AP2A2: variants seen among roughly 807,000 people sequenced by gnomAD.
The protein encoded by AP2A2 is AP-2 complex subunit alpha-2.
AP2A2 carries 32 observed loss-of-function variants against 104.2 expected under a neutral mutation model. That is an observed-to-expected ratio of 0.31 (90% CI 0.23 to 0.41). The LOEUF (loss-of-function observed/expected upper bound fraction) is 0.41. Among genes scored for constraint, AP2A2 ranks in the 10% least tolerant of loss-of-function variants. AP2A2 has a pLI of 1.00. For synonymous variants in AP2A2, 539 were observed against 533.3 expected (o/e 1.01, Z -0.15); for missense variants, 912 against 1,261.0 (o/e 0.72, Z 4.19).
At chr11:1,010,388 T>C in intron 21 of AP2A2, 160 bp from the exon 22 acceptor site, 1 of 618,826 alleles carries the variant, frequency 1.6e-6, no homozygotes, top group Admixed American at 2.9e-5. Context: ...TCAGTTTTCA[T>C]GCTGACAGTG....
chr11:944,691 A>G lies in AP2A2; in HGVS notation c.68-14746A>G, dbSNP rs577705427. Among the ~76,000 whole-genome samples, 52 of 152,278 alleles carry G rather than the reference A, an allele frequency of 3.4e-4. No homozygotes were observed. In the Middle Eastern group the frequency reaches 0.01, roughly 30 times the overall value. On this transcript the variant is annotated intron_variant, in intron 1 of 21. Transcript: ENST00000448903. ...GGGCCGGCCCTTCTGTGAAGGCAGC[A>G]GTTGAGCAAGGACCTGGAGCTAGTG...
chr11:976,550 C>G (rs948834318), intron 4 of AP2A2, among the ~76,000 whole-genome samples: 4 of 152,076 alleles, frequency 2.6e-5, no homozygotes, highest in Admixed American at 2.0e-4. Flanking sequence ...ACGTCTGTGC[C>G]CTGGACAAGC....
At position 970,151 on chromosome 11, in the gene AP2A2, TC is replaced by T; in HGVS notation, c.137-14del. 1 of 1,613,374 alleles carries T rather than the reference TC, an allele frequency of 6.2e-7. No homozygotes were observed. The highest frequency in any genetic ancestry group is 8.5e-7 in the Non-Finnish European group (1 of 1,179,568). ...TCTGCCCGCCTGGAATAAAACCTCT[TC>T]CCCACCTTTTCTGTAGGTGACAAGG... On this transcript the variant is annotated splice_polypyrimidine_tract_variant and intron_variant, in intron 2 of 21. Transcript: ENST00000448903.
chr11:982,297 T>A (rs948864902), intron 6 of AP2A2, among the ~76,000 whole-genome samples: 2 of 152,176 alleles, frequency 1.3e-5, no homozygotes, highest in Admixed American at 1.3e-4. Context: ...GCAATCTTCC[T>A]GCTTTGGCCT....
At chr11:979,121 C>T (rs1374719256) in intron 5 of AP2A2, among the ~76,000 whole-genome samples, 2 of 151,716 alleles carry the variant, frequency 1.3e-5, no homozygotes, top group African/African-American at 2.4e-5. Context: ...GGCCACGTGT[C>T]GCGGGCCTGA....
chr11:939,000 TC>T (rs892065169), intron 1 of AP2A2, among the ~76,000 whole-genome samples: 1 of 152,044 alleles, frequency 6.6e-6, no homozygotes, highest in Admixed American at 6.6e-5. Context: ...ACGCCTGTAA[TC>T]CTAGCACTTT....
intron 16 of AP2A2, among the ~76,000 whole-genome samples, chr11:1,004,801 A>G (rs868670138): frequency 6.6e-6 from 1 of 152,208 alleles, no homozygotes; most frequent in Non-Finnish European, 1.5e-5. Flanking sequence ...TAAATAATGC[A>G]TACATCATTA....
At chr11:926,146 G>A in intron 1 of AP2A2, 58 bp downstream of exon 1, 1 of 1,160,518 alleles carries the variant, frequency 8.6e-7, no homozygotes, top group Non-Finnish European at 1.1e-6. Flanking sequence ...GACGGGGTCT[G>A]GGAGCGGAGG....
intron 1 of AP2A2, chr11:956,906 G>A (rs1407920042): frequency 1.3e-5 from 2 of 152,134 alleles, no homozygotes; most frequent in East Asian, 3.8e-4. Context: ...TCTCCCCATC[G>A]GCAAACAAGC....
At chr11:981,382 G>A in intron 6 of AP2A2, 83 bp downstream of exon 6, 1 of 1,198,736 alleles carries the variant, frequency 8.3e-7, no homozygotes, top group Non-Finnish European at 1.2e-6. Flanking sequence ...AGAATGCAAG[G>A]TATTTGATCA....
At chr11:1,000,234 A>G (rs999070291) in intron 14 of AP2A2, among the ~76,000 whole-genome samples, 198 bp from the exon 15 acceptor site, 1 of 152,184 alleles carries the variant, frequency 6.6e-6, no homozygotes, top group Non-Finnish European at 1.5e-5. Context: ...TTTAGGCTGG[A>G]GTCTGGGATA....
At chr11:994,359 GGCTGTGGCTCTGGACACCCC>G in intron 14 of AP2A2, 114 bp downstream of exon 14, 1 of 1,367,298 alleles carries the variant, frequency 7.3e-7, no homozygotes, top group South Asian at 1.4e-5. Context: ...CCCAGGCTCT[GGCTGTGGCTCTGGACACCCC>G]GCTGTCCTGT....
chr11:972,029 G>A, intron 3 of AP2A2, 33 bp from the exon 4 acceptor site: 1 of 1,585,598 alleles, frequency 6.3e-7, no homozygotes, highest in Non-Finnish European at 8.6e-7. Flanking sequence ...GGATTGTCAT[G>A]AGCTTTCTCT....
chr11:1,011,122 G>T lies in AP2A2; in HGVS notation c.*497G>T, dbSNP rs1212885013. On this transcript the variant is annotated 3_prime_UTR_variant, in exon 22 of 22. Coordinates refer to ENST00000448903, the MANE Select transcript of AP2A2 (RefSeq NM_012305.4). Reference sequence around the variant, plus strand: ...CACAGCTGACCCTGGTTTTGCTGCAGTCCCAGCTGGACTGTTTTCCCAGGC... The same window carrying T: ...CACAGCTGACCCTGGTTTTGCTGCATTCCCAGCTGGACTGTTTTCCCAGGC... The T allele has an allele frequency of 3.5e-6, 2 of 574,754 alleles. No individual in the cohort carries two copies. The highest frequency in any genetic ancestry group is 2.8e-5 in the South Asian group (2 of 71,882). 35.6% of individuals were successfully genotyped at this position (574,754 alleles called of 1,614,324 possible).
chr11:959,875 C>T (rs1021903975), intron 2 of AP2A2, among the ~76,000 whole-genome samples: 9 of 152,216 alleles, frequency 5.9e-5, no homozygotes, highest in South Asian at 2.1e-4. Context: ...ACCTGACCTG[C>T]GCTCGGTGGA....
intron 17 of AP2A2, 125 bp from the exon 18 acceptor site, chr11:1,007,865 GGTGGTGTGGCTGCCCTCGACCC>G (rs1417170000): frequency 2.7e-5 from 30 of 1,109,556 alleles, no homozygotes; most frequent in Non-Finnish European, 3.8e-5. Flanking sequence ...GGCAGGGCCG[GGTGGTGTGGCTGCCCTCGACCC>G]GTAGCTGGTG....
intron 16 of AP2A2, among the ~76,000 whole-genome samples, chr11:1,005,109 T>C (rs1856162973): frequency 6.6e-6 from 1 of 152,184 alleles, no homozygotes; most frequent in Admixed American, 6.5e-5. Context: ...GGATGCCTAA[T>C]TAAACGAAAT....
At chr11:978,489 A>G (rs1273894416) in intron 5 of AP2A2, among the ~76,000 whole-genome samples, 4 of 152,138 alleles carry the variant, frequency 2.6e-5, no homozygotes, top group East Asian at 3.9e-4. Context: ...ATTTTTATGC[A>G]TCTGGCTTTA....
intron 2 of AP2A2, among the ~76,000 whole-genome samples, chr11:969,410 C>G (rs1421362333): frequency 6.6e-6 from 1 of 151,744 alleles, no homozygotes; most frequent in African/African-American, 2.4e-5. Context: ...TGTATTTTTA[C>G]TAGAGATGGT....
Sources: gnomAD v4.1 joint callset for allele counts (sites outside exome capture counted in the v4.1 genomes callset) on GRCh38, gnomAD v4.1.1 for gene constraint, MANE v1.5 for transcripts, NCBI Gene and HGNC (gene_info 2026-07-23, HGNC 2026-07-21) for gene names.